GLI2: variants seen among roughly 807,000 people sequenced by gnomAD.
GLI2 encodes the protein GLI family zinc finger 2, also known as transcription activator GLI2.
A neutral mutation model predicts 78.9 loss-of-function variants in GLI2; 22 were observed. That is an observed-to-expected ratio of 0.28 (90% confidence interval 0.20 to 0.40). The LOEUF (loss-of-function observed/expected upper bound fraction) is 0.40. Ranked by LOEUF, GLI2 falls within the 10% of genes least tolerant of loss-of-function variation. GLI2 has a pLI of 1.00. For missense variants in GLI2, 2,097 were observed against 2,213.2 expected, an observed-to-expected ratio of 0.95 and a Z score of 1.05; for synonymous variants, 974 against 963.7, an observed-to-expected ratio of 1.01 and a Z score of -0.20.
intron 2 of GLI2, among the ~76,000 whole-genome samples, chr2:120,830,557 T>TA (rs1479655724): frequency 3.3e-5 from 5 of 152,344 alleles, no homozygotes; most frequent in South Asian, 4.1e-4. Flanking sequence ...CACATGCTGG[T>TA]AATGTGTTCC....
intron 12 of GLI2, among the ~76,000 whole-genome samples, chr2:120,985,677 TGTGGATGTCGTCCGA>T (rs1451780432): frequency 6.6e-6 from 1 of 152,204 alleles, no homozygotes; most frequent in Non-Finnish European, 1.5e-5. Context: ...ATCCGAGTTC[TGTGGATGTCGTCCGA>T]GTGGATGTTG....
At chr2:120,810,723 G>A (rs745799636) in intron 2 of GLI2, among the ~76,000 whole-genome samples, 12 of 152,236 alleles carry the variant, frequency 7.9e-5, no homozygotes, top group Non-Finnish European at 1.5e-4. Context: ...ACAGAAGCCC[G>A]CTCTGGCTCT....
At chr2:120,764,832 A>C (rs811843) in intron 1 of GLI2, among the ~76,000 whole-genome samples, 3,086 of 152,306 alleles carry the variant, frequency 0.02, 109 homozygotes, top group African/African-American at 0.071. Context: ...CTGACTGGGA[A>C]CAGGAAGCTG....
chr2:120,899,406 TACAC>T (rs71398006), intron 2 of GLI2, among the ~76,000 whole-genome samples: 42,478 of 146,456 alleles, frequency 0.29, 6,844 homozygotes, highest in African/African-American at 0.47. Flanking sequence ...TACACACACA[TACAC>T]ACACACACAC....
At chr2:120,967,199 C>T (rs888171134) in intron 5 of GLI2, among the ~76,000 whole-genome samples, 2 of 152,182 alleles carry the variant, frequency 1.3e-5, no homozygotes, top group Non-Finnish European at 2.9e-5. Context: ...CAGGGGCCAG[C>T]GGGACATGAG....
rs575003808 is a variant in GLI2 at position 120,748,593 on chromosome 2, A to G, written c.-31+12308A>G. Among the ~76,000 whole-genome samples the G allele has an allele frequency of 1.4e-4, 21 of 152,262 alleles. No homozygotes were observed. The South Asian group carries it at 3.7e-3, about 27-fold the overall frequency. ...GTCCCCCCGGATGACTCCTCTGCCT[A>G]TCCATGGTTTAGCTTCAGGTCATGG... On this transcript the variant is annotated intron_variant, in intron 1 of 13. Coordinates refer to ENST00000361492, the MANE Select transcript of GLI2 (RefSeq NM_001374353.1).
At chr2:120,810,429 C>T (rs1685182268) in intron 2 of GLI2, among the ~76,000 whole-genome samples, 1 of 152,322 alleles carries the variant, frequency 6.6e-6, no homozygotes, top group East Asian at 1.9e-4. Context: ...GCCCACCTCC[C>T]CTGTCCTGGC....
intron 1 of GLI2, among the ~76,000 whole-genome samples, chr2:120,748,367 A>G (rs2104629156): frequency 6.6e-6 from 1 of 152,316 alleles, no homozygotes; most frequent in Non-Finnish European, 1.5e-5. Context: ...AGTTTGCCTG[A>G]GCAGTTTGGA....
intron 5 of GLI2, among the ~76,000 whole-genome samples, chr2:120,961,318 C>T (rs906734032): frequency 6.6e-5 from 10 of 152,158 alleles, no homozygotes; most frequent in African/African-American, 2.4e-4. Context: ...GCAGGAAGAG[C>T]TGGTAGAGGG....
At chr2:120,883,515 C>T (rs914628060) in intron 2 of GLI2, among the ~76,000 whole-genome samples, 2 of 152,110 alleles carry the variant, frequency 1.3e-5, no homozygotes, top group Non-Finnish European at 2.9e-5. Flanking sequence ...AACAAACCCA[C>T]GATAACCTTG....
rs1052589331 is a variant in GLI2 at position 120,975,144 on chromosome 2, G to T, written c.1317+35G>T. 2.5e-6 allele frequency: 4 copies of T among 1,610,106 alleles called. No individual in the cohort carries two copies. In the South Asian group the frequency reaches 3.3e-5, roughly 13 times the overall value. ...TGAACCCCAGCAGCCCGCCAACCGG[G>T]GCACGGCCCAGGCCATGCAGGATGC... On this transcript the variant is annotated intron_variant, in intron 9 of 13. Coordinates refer to ENST00000361492, the MANE Select transcript of GLI2 (RefSeq NM_001374353.1).
chr2:120,988,034 C>G (rs1289437729), intron 13 of GLI2, among the ~76,000 whole-genome samples, 174 bp from the exon 14 acceptor site: 1 of 152,202 alleles, frequency 6.6e-6, no homozygotes, highest in Non-Finnish European at 1.5e-5. Flanking sequence ...TCAAGGCCAG[C>G]CTGGGAAATC....
At chr2:120,937,789 A>G (rs894428361) in intron 3 of GLI2, among the ~76,000 whole-genome samples, 13 of 152,198 alleles carry the variant, frequency 8.5e-5, no homozygotes, top group Non-Finnish European at 1.6e-4. Flanking sequence ...TTCTCCAGCT[A>G]GTTTTGACAG....
intron 2 of GLI2, among the ~76,000 whole-genome samples, chr2:120,839,842 C>T (rs1160523720): frequency 1.3e-5 from 2 of 152,230 alleles, no homozygotes; most frequent in African/African-American, 4.8e-5. Context: ...GGATTACAGG[C>T]GTGAGCCACT....
intron 2 of GLI2, among the ~76,000 whole-genome samples, chr2:120,824,753 A>G (rs1318745720): frequency 1.3e-5 from 2 of 152,270 alleles, no homozygotes; most frequent in South Asian, 2.1e-4. Flanking sequence ...TGATGTTCCA[A>G]CCAAGTGGGA....
chr2:120,916,358 G>C (rs960327182), intron 2 of GLI2, among the ~76,000 whole-genome samples: 1 of 152,216 alleles, frequency 6.6e-6, no homozygotes, highest in Non-Finnish European at 1.5e-5. Context: ...GGGCACAATT[G>C]GGCATCCTGG....
rs745550412 is a variant in GLI2, at chr2:120,990,470, G to A, written c.4505G>A (p.Gly1502Asp). 1.2e-6 allele frequency: 2 copies of A among 1,613,838 alleles called. No homozygotes were observed. The highest frequency in any genetic ancestry group is 1.3e-5 in the African/African-American group (1 of 74,836). The change falls in exon 14 of 14, where the codon GGC becomes GAC. Residue 1502 changes from glycine to aspartate, a missense_variant. Gly to Asp is a moderately conservative substitution (Grantham distance 94). Transcript: ENST00000361492. ...QIDFDAIMDD[G>D]DHSSLFSGAL... The stretch of plus-strand genomic sequence containing the variant: ...GACTTCGATGCCATCATGGATGATG[G>A]CGATCACTCGAGTTTGTTCTCGGGT...
chr2:120,770,042 T>C (rs540227263), intron 1 of GLI2, among the ~76,000 whole-genome samples: 13 of 152,180 alleles, frequency 8.5e-5, no homozygotes, highest in Non-Finnish European at 1.8e-4. Context: ...GGAAGCCTGG[T>C]GCTCAGTTCT....
intron 1 of GLI2, among the ~76,000 whole-genome samples, chr2:120,768,676 AC>A (rs1357726261): frequency 6.6e-6 from 1 of 152,056 alleles, no homozygotes; most frequent in Non-Finnish European, 1.5e-5. Flanking sequence ...AGTGGCTTGG[AC>A]AGCCCCTCTT....
Sources: allele counts gnomAD v4.1 joint callset (sites outside exome capture counted in the v4.1 genomes callset), GRCh38; gene constraint gnomAD v4.1.1; transcripts MANE v1.5; gene names NCBI Gene and HGNC (gene_info 2026-07-23, HGNC 2026-07-21).